Variants in HCN1 observed in about 807,000 individuals in gnomAD.
The protein encoded by HCN1 is hyperpolarization activated cyclic nucleotide gated potassium channel 1, also known as potassium/sodium hyperpolarization-activated cyclic nucleotide-gated channel 1.
A neutral mutation model predicts 78.9 loss-of-function variants in HCN1; 13 were observed. That is an observed-to-expected ratio of 0.16 (90% CI 0.11 to 0.26). The LOEUF is 0.26. Ranked by LOEUF, HCN1 falls within the 10% of genes least tolerant of loss-of-function variation. The pLI, the probability that HCN1 is intolerant of heterozygous loss-of-function variation, is 1.00. For missense variants in HCN1, 810 were observed against 1,154.3 expected (o/e 0.70, Z 4.32); for synonymous variants, 552 against 455.5 (o/e 1.21, Z -2.70).
At chr5:45,376,119 A>G (rs1385041368) in intron 4 of HCN1, among the ~76,000 whole-genome samples, 1 of 109,326 alleles carries the variant, frequency 9.1e-6, no homozygotes, top group Non-Finnish European at 1.7e-5. Context: ...ATAATATATA[A>G]TATGTTATAT....
intron 2 of HCN1, among the ~76,000 whole-genome samples, chr5:45,549,781 G>T (rs1743321750): frequency 6.6e-6 from 1 of 152,012 alleles, no homozygotes; most frequent in African/African-American, 2.4e-5. Context: ...AATCTACAAA[G>T]AACTCAAACA....
intron 4 of HCN1, among the ~76,000 whole-genome samples, chr5:45,378,560 T>C (rs1203915769): frequency 1.3e-5 from 2 of 152,116 alleles, no homozygotes; most frequent in African/African-American, 4.8e-5. Flanking sequence ...TTGTTGTCTA[T>C]CTATCCATTC....
chr5:45,646,917 T>C (rs576316753), intron 1 of HCN1, among the ~76,000 whole-genome samples: 13 of 152,264 alleles, frequency 8.5e-5, no homozygotes, highest in African/African-American at 2.9e-4. Flanking sequence ...ATGATAAAAA[T>C]GTCTGTTTAC....
intron 2 of HCN1, among the ~76,000 whole-genome samples, chr5:45,518,710 A>G (rs1334525833): frequency 2.0e-5 from 3 of 152,076 alleles, no homozygotes; most frequent in African/African-American, 4.8e-5. Context: ...GTCATTTTTC[A>G]TCAGAAAACA....
intron 6 of HCN1, among the ~76,000 whole-genome samples, chr5:45,277,381 C>A (rs1168746144): frequency 6.6e-6 from 1 of 151,974 alleles, no homozygotes; most frequent in Non-Finnish European, 1.5e-5. Flanking sequence ...CAGAAGTAGT[C>A]TCTCTAAATA....
At chr5:45,658,322 G>A (rs765123726) in intron 1 of HCN1, among the ~76,000 whole-genome samples, 1 of 152,172 alleles carries the variant, frequency 6.6e-6, no homozygotes, top group African/African-American at 2.4e-5. Flanking sequence ...CAGGACATAG[G>A]CATGGGCAAG....
intron 2 of HCN1, among the ~76,000 whole-genome samples, chr5:45,577,746 C>G (rs1334041181): frequency 1.3e-5 from 2 of 151,990 alleles, no homozygotes; most frequent in African/African-American, 2.4e-5. Flanking sequence ...TAAAACTTAT[C>G]ACATGAAGTA....
intron 2 of HCN1, among the ~76,000 whole-genome samples, chr5:45,495,508 A>T (rs1158721110): frequency 6.6e-6 from 1 of 151,772 alleles, no homozygotes; most frequent in East Asian, 1.9e-4. Context: ...GGGCTGAGAC[A>T]ATGGGGTTTT....
chr5:45,300,880 CA>C (rs1745601814), intron 6 of HCN1, among the ~76,000 whole-genome samples: 1 of 152,024 alleles, frequency 6.6e-6, no homozygotes, highest in Non-Finnish European at 1.5e-5. Flanking sequence ...ATAACCCATA[CA>C]AAAGGCTAAG....
At chr5:45,472,084 T>C (rs1706340017) in intron 2 of HCN1, among the ~76,000 whole-genome samples, 1 of 151,954 alleles carries the variant, frequency 6.6e-6, no homozygotes, top group Non-Finnish European at 1.5e-5. Flanking sequence ...TGTACTACCA[T>C]TTTATTCTCA....
intron 3 of HCN1, among the ~76,000 whole-genome samples, chr5:45,404,200 C>T (rs1263763889): frequency 6.6e-6 from 1 of 152,028 alleles, no homozygotes; most frequent in African/African-American, 2.4e-5. Context: ...ATTCCTTTTT[C>T]ACCTTGTAAA....
At chr5:45,611,683 G>A (rs550380664) in intron 2 of HCN1, among the ~76,000 whole-genome samples, 1 of 152,182 alleles carries the variant, frequency 6.6e-6, no homozygotes, top group Non-Finnish European at 1.5e-5. Context: ...CACTACAGTA[G>A]CATGCTATAG....
intron 3 of HCN1, among the ~76,000 whole-genome samples, chr5:45,409,303 A>G (rs1043158517): frequency 1.3e-5 from 2 of 152,060 alleles, no homozygotes; most frequent in Non-Finnish European, 2.9e-5. Context: ...ACGTTTTGCT[A>G]TGAGTAACAA....
At chr5:45,579,884 G>C (rs1397869031) in intron 2 of HCN1, among the ~76,000 whole-genome samples, 1 of 152,096 alleles carries the variant, frequency 6.6e-6, no homozygotes, top group Non-Finnish European at 1.5e-5. Flanking sequence ...GTAAAAGACT[G>C]ATTTATAGGA....
chr5:45,396,421 C>T (rs1048762300), intron 4 of HCN1, 71 bp downstream of exon 4: 2 of 1,175,952 alleles, frequency 1.7e-6, no homozygotes. Context: ...GTGTAGTTAT[C>T]TTGAACACAA....
intron 5 of HCN1, among the ~76,000 whole-genome samples, chr5:45,310,404 A>G (rs1197945089): frequency 6.6e-6 from 1 of 152,198 alleles, no homozygotes; most frequent in Non-Finnish European, 1.5e-5. Flanking sequence ...GCCAACAAGC[A>G]TATGATAAAG....
intron 3 of HCN1, among the ~76,000 whole-genome samples, chr5:45,444,967 G>A (rs13169726): frequency 0.5 from 76,559 of 152,012 alleles, 20,746 homozygotes; most frequent in African/African-American, 0.71. Context: ...TGCAGAAGAC[G>A]GATAATTTCT....
At chr5:45,290,020 C>T (rs538466243) in intron 6 of HCN1, among the ~76,000 whole-genome samples, 1 of 152,084 alleles carries the variant, frequency 6.6e-6, no homozygotes, top group African/African-American at 2.4e-5. Flanking sequence ...TTCCCATGTC[C>T]TGTGGGAGGG....
intron 5 of HCN1, among the ~76,000 whole-genome samples, chr5:45,325,899 A>G (rs1342594142): frequency 2.0e-5 from 3 of 151,754 alleles, no homozygotes; most frequent in African/African-American, 7.2e-5. Flanking sequence ...CTGAATAATA[A>G]GAGTGTCAAA....
Sources: gnomAD v4.1 joint callset for allele counts (sites outside exome capture counted in the v4.1 genomes callset) on GRCh38, gnomAD v4.1.1 for gene constraint, MANE v1.5 for transcripts, NCBI Gene and HGNC (gene_info 2026-07-23, HGNC 2026-07-21) for gene names.